The following PAPSS1 variants were observed in gnomAD, a reference collection of about 807,000 sequenced individuals.
PAPSS1 encodes 3'-phosphoadenosine 5'-phosphosulfate synthase 1.
In PAPSS1, 50 loss-of-function variants were observed where a neutral mutation model predicts 72.0. The observed-to-expected ratio is 0.69, with a 90% confidence interval of 0.55 to 0.88. The LOEUF is 0.88. PAPSS1 is among the 40% of genes least tolerant of loss of function. The pLI, the probability that PAPSS1 is intolerant of heterozygous loss-of-function variation, is 0.00. For missense variants in PAPSS1, 657 were observed against 782.2 expected, an observed-to-expected ratio of 0.84 and a Z score of 1.91; for synonymous variants, 261 against 263.6, an observed-to-expected ratio of 0.99 and a Z score of 0.09.
chr4:107,644,831 A>G lies in PAPSS1; in HGVS notation c.1477T>C (p.Ser493Pro). 5.6e-6 allele frequency: 9 copies of G among 1,613,284 alleles called. No homozygotes were observed. Among genetic ancestry groups the G allele is most frequent in the Non-Finnish European group, 7.6e-6 (9 of 1,179,772 alleles). The change falls in exon 10 of 12, where the codon TCT becomes CCT. Residue 493 changes from serine (S) to proline (P), a missense_variant. Physicochemically the swap from Ser to Pro is moderately conservative, Grantham distance 74 (BLOSUM62 -1). Around this residue, in one of 7 missense-constraint regions of PAPSS1, gnomAD observed 166 missense variants for 228.3 expected, o/e 0.73. Transcript: ENST00000265174. ...GTTGGTCCAGCATACATCATGGGAG[A>G]TGGGAAGATGGCCACCACTGTCGTC... ...PETTVVAIFPSPMMYAGPTEV... is the reference protein window; with the variant it reads ...PETTVVAIFPPPMMYAGPTEV...
At chr4:107,703,413 C>CT (rs1491096404) in intron 1 of PAPSS1, among the ~76,000 whole-genome samples, 1 of 47,880 alleles carries the variant, frequency 2.1e-5, no homozygotes, top group Admixed American at 2.4e-4. Context: ...GGAGTCATAT[C>CT]CAAAAAAAAA....
chr4:107,657,699 T>C (rs1320223224), intron 6 of PAPSS1, among the ~76,000 whole-genome samples: 1 of 151,302 alleles, frequency 6.6e-6, no homozygotes, highest in East Asian at 1.9e-4. Flanking sequence ...ATCATGCCAC[T>C]GCACTCCAGC....
At chr4:107,683,750 G>A (rs536350148) in intron 4 of PAPSS1, among the ~76,000 whole-genome samples, 13 of 152,246 alleles carry the variant, frequency 8.5e-5, no homozygotes, top group East Asian at 1.9e-4. Flanking sequence ...CTGACTGTCC[G>A]ATAAATGTCA....
At chr4:107,659,560 T>C (rs1727114611) in intron 6 of PAPSS1, among the ~76,000 whole-genome samples, 1 of 152,146 alleles carries the variant, frequency 6.6e-6, no homozygotes, top group Non-Finnish European at 1.5e-5. Context: ...AAATTATTCT[T>C]AACAATATAA....
chr4:107,616,316 TATA>T (rs769518998), intron 11 of PAPSS1, among the ~76,000 whole-genome samples: 11 of 151,634 alleles, frequency 7.3e-5, no homozygotes, highest in Non-Finnish European at 1.5e-4. Flanking sequence ...ATTATAATTT[TATA>T]ATGAGTAAAA....
chr4:107,653,685 T>C, intron 8 of PAPSS1, 59 bp from the exon 9 acceptor site: 1 of 1,456,846 alleles, frequency 6.9e-7, no homozygotes, highest in Admixed American at 1.8e-5. Flanking sequence ...TAAAAACATT[T>C]CTCTCATATA....
At position 107,693,959 on chromosome 4, in the gene PAPSS1, ACT is replaced by A; in HGVS notation, c.221_222del (p.Glu74ValfsTer15). ...GKTTVSMALE[E>X]YLVCHGIPCY... ...CATGGAATACCATGACAAACCAGGTACTCCTCCAAGGCCATGCTCACAGTAGT... is the reference window on the plus strand; with the variant it reads ...CATGGAATACCATGACAAACCAGGTACCTCCAAGGCCATGCTCACAGTAGT... On this transcript the variant is annotated frameshift_variant, in exon 3 of 12. Coordinates refer to ENST00000265174, the MANE Select transcript of PAPSS1 (RefSeq NM_005443.5). LOFTEE classifies it high-confidence loss of function. 2 of 1,613,724 alleles carry A rather than the reference ACT, an allele frequency of 1.2e-6. No individual in the cohort carries two copies. Among genetic ancestry groups the A allele is most frequent in the Non-Finnish European group, 1.7e-6 (2 of 1,179,832 alleles).
chr4:107,708,707 A>C (rs1383760861), intron 1 of PAPSS1, among the ~76,000 whole-genome samples: 2 of 152,176 alleles, frequency 1.3e-5, no homozygotes, highest in African/African-American at 4.8e-5. Context: ...TGCCTCCTAC[A>C]TTTAAAAAGA....
intron 1 of PAPSS1, among the ~76,000 whole-genome samples, chr4:107,711,680 A>G (rs1413775707): frequency 1.3e-5 from 2 of 152,234 alleles, no homozygotes; most frequent in African/African-American, 4.8e-5. Flanking sequence ...CCTAGACACA[A>G]TATGGATGAA....
chr4:107,678,474 G>A (rs1184982072), intron 5 of PAPSS1, among the ~76,000 whole-genome samples: 4 of 152,118 alleles, frequency 2.6e-5, no homozygotes, highest in African/African-American at 9.7e-5. Flanking sequence ...AAAAAAAGCA[G>A]TGAGATGAAC....
chr4:107,694,119 T>A (rs569689907), intron 2 of PAPSS1, 113 bp from the exon 3 acceptor site: 2 of 711,122 alleles, frequency 2.8e-6, no homozygotes, highest in Admixed American at 2.5e-5. Context: ...CAGGCTGGAG[T>A]GCAGAGGCTG....
At chr4:107,626,424 A>T (rs1726099774) in intron 11 of PAPSS1, among the ~76,000 whole-genome samples, 1 of 152,200 alleles carries the variant, frequency 6.6e-6, no homozygotes, top group Non-Finnish European at 1.5e-5. Flanking sequence ...AAAAAATACA[A>T]ATAAGATAAC....
rs544379289 is a variant in PAPSS1, at chr4:107,715,881, CCTCA to C, written c.60+4235_60+4238del. ...AACCCCATATGGTATGCACCATTAG[CCTCA>C]CTATGAGTTATGTTTTATTATCTCA... On this transcript the variant is annotated intron_variant, in intron 1 of 11. Coordinates refer to ENST00000265174, the MANE Select transcript of PAPSS1 (RefSeq NM_005443.5). Among the ~76,000 whole-genome samples the C allele has an allele frequency of 3.3e-3, 502 of 152,284 alleles. 7 individuals are homozygous for C. The highest frequency in any genetic ancestry group is 3.7e-3 in the Non-Finnish European group (253 of 68,018).
chr4:107,652,785 C>T (rs1378738508), intron 9 of PAPSS1, among the ~76,000 whole-genome samples: 2 of 152,114 alleles, frequency 1.3e-5, no homozygotes, highest in East Asian at 3.8e-4. Context: ...GTTTCTTTTA[C>T]TTCTGTAATT....
intron 3 of PAPSS1, 45 bp from the exon 4 acceptor site, chr4:107,687,222 G>A (rs747667812): frequency 2.9e-5 from 42 of 1,431,494 alleles, no homozygotes; most frequent in Non-Finnish European, 3.3e-5. Flanking sequence ...AATCACAAAC[G>A]TACTATATTA....
intron 10 of PAPSS1, among the ~76,000 whole-genome samples, chr4:107,642,839 G>C (rs556138564): frequency 2.6e-5 from 4 of 152,292 alleles, no homozygotes; most frequent in African/African-American, 7.2e-5. Context: ...ACTGCTGATG[G>C]GAGTGTAAAA....
chr4:107,643,785 T>C (rs1391470740), intron 10 of PAPSS1, among the ~76,000 whole-genome samples: 1 of 152,220 alleles, frequency 6.6e-6, no homozygotes, highest in Non-Finnish European at 1.5e-5. Flanking sequence ...ATTCATTTAC[T>C]TGCATCTATG....
chr4:107,634,830 C>T (rs1352630225), intron 10 of PAPSS1, among the ~76,000 whole-genome samples: 3 of 122,996 alleles, frequency 2.4e-5, no homozygotes, highest in East Asian at 4.4e-4. Flanking sequence ...GATGGAGTCT[C>T]GCTGTGTCGC....
At position 107,687,133 on chromosome 4, in the gene PAPSS1, C is replaced by A; in HGVS notation, c.456G>T (p.Pro152=). The A allele has an allele frequency of 1.3e-6, 2 of 1,596,346 alleles. No homozygotes were observed. Among genetic ancestry groups the A allele is most frequent in the Non-Finnish European group, 8.5e-7 (1 of 1,173,952 alleles). Residue 152 remains proline, a synonymous_variant, in exon 4 of 12, where the codon CCG becomes CCT. Transcript: ENST00000265174. The part of the protein sequence containing the change: ...ARQIHEGASL[P]FFEVFVDAPL... ...GAGCATCAACAAATACTTCAAAAAACGGTAAACTTGCACCTTCATGAATTT... is the reference window on the plus strand; with the variant it reads ...GAGCATCAACAAATACTTCAAAAAAAGGTAAACTTGCACCTTCATGAATTT...
Sources: gnomAD v4.1 joint callset for allele counts (sites outside exome capture counted in the v4.1 genomes callset) on GRCh38, gnomAD v4.1.1 for gene constraint, gnomAD v4.1.1 regional missense constraint, MANE v1.5 for transcripts, NCBI Gene and HGNC (gene_info 2026-07-23, HGNC 2026-07-21) for gene names.